GPHN: variants seen among roughly 807,000 people sequenced by gnomAD.
GPHN encodes the protein gephyrin.
GPHN carries 17 observed loss-of-function variants against 95.5 expected under a neutral mutation model. That is an observed-to-expected ratio of 0.18 (90% CI 0.12 to 0.27). The LOEUF (loss-of-function observed/expected upper bound fraction) is 0.27, where lower values mean the gene tolerates loss of function less well. GPHN is among the 10% of genes least tolerant of loss of function. The probability of loss-of-function intolerance (pLI) is 1.00; values close to 1 mark genes in which losing one functional copy is unlikely to be tolerated. For synonymous variants in GPHN, 320 were observed against 322.5 expected (o/e 0.99, Z 0.08); for missense variants, 660 against 978.1 (o/e 0.67, Z 4.34).
intron 9 of GPHN, among the ~76,000 whole-genome samples, chr14:67,014,686 T>C (rs927021590): frequency 2.6e-5 from 4 of 152,204 alleles, no homozygotes; most frequent in African/African-American, 7.2e-5. Context: ...TTCTAACCTT[T>C]AGAATGAAGA....
intron 4 of GPHN, among the ~76,000 whole-genome samples, chr14:66,827,615 T>C (rs979930956): frequency 4.8e-5 from 4 of 83,820 alleles, no homozygotes; most frequent in African/African-American, 3.5e-4. Flanking sequence ...ATGTAACTTA[T>C]GTAACTACCA....
intron 1 of GPHN, among the ~76,000 whole-genome samples, chr14:66,636,133 A>G (rs923405321): frequency 6.6e-6 from 1 of 152,200 alleles, no homozygotes; most frequent in African/African-American, 2.4e-5. Context: ...TATTTTGCAA[A>G]GTACAAAACT....
At chr14:66,760,887 G>A in intron 2 of GPHN, 1 of 939,752 alleles carries the variant, frequency 1.1e-6, no homozygotes, top group Non-Finnish European at 1.6e-6. Flanking sequence ...GCGACAGAAA[G>A]TTCAGGATAT....
At chr14:66,717,874 A>G (rs2070341409) in intron 2 of GPHN, among the ~76,000 whole-genome samples, 1 of 152,194 alleles carries the variant, frequency 6.6e-6, no homozygotes, top group South Asian at 2.1e-4. Flanking sequence ...TGGGTCTCTC[A>G]GCCGTGGATA....
Position 66,786,563 on chromosome 14 carries a change from GAGAA to G in GPHN, c.201+10046_201+10049del, listed in dbSNP as rs759364745. 3.9e-5 allele frequency among the ~76,000 whole-genome samples: 6 copies of G among 152,114 alleles called. No homozygotes were observed. In the East Asian group the frequency reaches 1.2e-3, roughly 29 times the overall value. ...TAGTATAATGTTGATACCAAAAACAGAGAAAGACAGTGCAAAGAAAGAAAATGGA... is the reference window on the plus strand; with the variant it reads ...TAGTATAATGTTGATACCAAAAACAGAGACAGTGCAAAGAAAGAAAATGGA... On this transcript the variant is annotated intron_variant, in intron 3 of 22. Coordinates refer to ENST00000478722, the MANE Select transcript of GPHN (RefSeq NM_020806.5).
intron 4 of GPHN, among the ~76,000 whole-genome samples, chr14:66,860,666 C>T (rs547082288): frequency 2.7e-4 from 41 of 151,766 alleles, no homozygotes; most frequent in Non-Finnish European, 4.7e-4. Flanking sequence ...AACGAATCAA[C>T]GATAATAACC....
chr14:67,102,656 G>C (rs1487436055), intron 13 of GPHN, among the ~76,000 whole-genome samples: 1 of 151,794 alleles, frequency 6.6e-6, no homozygotes, highest in African/African-American at 2.4e-5. Context: ...GCAAAACTCC[G>C]TCTCAAAAAA....
chr14:67,164,098 G>C (rs1374350039), intron 19 of GPHN, among the ~76,000 whole-genome samples: 1 of 151,680 alleles, frequency 6.6e-6, no homozygotes, highest in Non-Finnish European at 1.5e-5. Context: ...GAGAAACCCT[G>C]TCTCCACTAA....
At chr14:66,816,668 A>G (rs2060980818) in intron 3 of GPHN, among the ~76,000 whole-genome samples, 1 of 152,208 alleles carries the variant, frequency 6.6e-6, no homozygotes, top group Admixed American at 6.5e-5. Flanking sequence ...TAAGAAGGAA[A>G]TTTATAGCAC....
chr14:66,645,741 A>G (rs2064713419), intron 1 of GPHN, among the ~76,000 whole-genome samples: 2 of 151,204 alleles, frequency 1.3e-5, no homozygotes, highest in Admixed American at 6.6e-5. Flanking sequence ...AACTGATTTT[A>G]TATGCACCAT....
the GPHN span, chr14:67,573,473 G>A: frequency 1.1e-6 from 1 of 927,442 alleles, no homozygotes; most frequent in Non-Finnish European, 1.7e-6. This position sits in a 1 kb window ranked among gnomAD's most constrained non-coding sequence, Gnocchi z 4.8. Context: ...GAGGGGGAAT[G>A]TGGCCCAAGG....
the GPHN span, among the ~76,000 whole-genome samples, chr14:67,376,233 T>G: frequency 6.6e-6 from 1 of 152,224 alleles, no homozygotes; most frequent in Non-Finnish European, 1.5e-5. Flanking sequence ...GATACTGTGT[T>G]ACTGTCAAGA....
the GPHN span, chr14:67,695,842 A>G: frequency 0.15 from 113,625 of 746,142 alleles, 9,346 homozygotes; most frequent in African/African-American, 0.23. Flanking sequence ...CCAGAGCTTG[A>G]CAGCCTCAGG....
chr14:67,000,097 G>A (rs578017526), intron 9 of GPHN, among the ~76,000 whole-genome samples: 1 of 151,844 alleles, frequency 6.6e-6, no homozygotes, highest in African/African-American at 2.4e-5. Flanking sequence ...AGAACTTCTA[G>A]CTACCTAAAG....
chr14:66,704,529 A>G (rs567401726), intron 2 of GPHN, among the ~76,000 whole-genome samples: 11 of 152,282 alleles, frequency 7.2e-5, no homozygotes, highest in African/African-American at 2.6e-4. Flanking sequence ...ACACAATTGC[A>G]TGGAGGTTGA....
At chr14:67,557,281 G>A in the GPHN span, 1 of 1,613,750 alleles carries the variant, frequency 6.2e-7, no homozygotes, top group Non-Finnish European at 8.5e-7. Flanking sequence ...GGGTGTCATG[G>A]AAGAGAAGGT....
At chr14:67,669,255 A>T in the GPHN span, among the ~76,000 whole-genome samples, 3 of 150,384 alleles carry the variant, frequency 2.0e-5, no homozygotes. Flanking sequence ...CTCTCAATTC[A>T]CATACTTCTT....
At chr14:66,687,975 T>C (rs2067509056) in intron 2 of GPHN, among the ~76,000 whole-genome samples, 1 of 152,206 alleles carries the variant, frequency 6.6e-6, no homozygotes, top group South Asian at 2.1e-4. Context: ...TGCATGCTGT[T>C]GAACATTTAG....
chr14:67,722,534 G>A, the GPHN span: 1 of 883,694 alleles, frequency 1.1e-6, no homozygotes, highest in Middle Eastern at 2.9e-4. Context: ...GAGGAGCAGA[G>A]AAGCAGCAGA....
Sources: gnomAD v4.1 joint callset for allele counts (sites outside exome capture counted in the v4.1 genomes callset) on GRCh38, gnomAD v4.1.1 for gene constraint, Gnocchi (gnomAD v3.1) non-coding constraint, MANE v1.5 for transcripts, NCBI Gene and HGNC (gene_info 2026-07-23, HGNC 2026-07-21) for gene names.